SLC30A10: variants seen among roughly 807,000 people sequenced by gnomAD.
The protein encoded by SLC30A10 is solute carrier family 30 member 10, also known as calcium/manganese antiporter SLC30A10.
In SLC30A10, 8 loss-of-function variants were observed where a neutral mutation model predicts 21.7. The observed-to-expected ratio is 0.37, with a 90% CI of 0.22 to 0.67. The LOEUF (loss-of-function observed/expected upper bound fraction) is 0.67. SLC30A10 is among the 30% of genes least tolerant of loss of function. The pLI is 0.58. For missense variants in SLC30A10, 521 were observed against 642.5 expected (o/e 0.81, Z 2.04); for synonymous variants, 272 against 279.4 (o/e 0.97, Z 0.26).
At chr1:219,923,276 A>G (rs1278755012) in intron 2 of SLC30A10, among the ~76,000 whole-genome samples, 1 of 152,214 alleles carries the variant, frequency 6.6e-6, no homozygotes, top group African/African-American at 2.4e-5. Flanking sequence ...CTAAGTTACA[A>G]TGCTCTCAAG....
rs980118479 is a variant in SLC30A10, at chr1:219,913,158, C to T, written c.*2291G>A. Among the ~76,000 whole-genome samples the T allele has an allele frequency of 6.6e-6, 1 of 152,222 alleles. No homozygotes were observed. On this transcript the variant is annotated 3_prime_UTR_variant, in exon 4 of 4. Transcript: ENST00000366926. ...AGTGCCACAGGTGGCAAATGCAAGC[C>T]ACTCAACCCAATACAAAATTATTGC...
intron 1 of SLC30A10, among the ~76,000 whole-genome samples, chr1:219,956,137 G>A (rs1259056465): frequency 6.6e-6 from 1 of 152,110 alleles, no homozygotes; most frequent in Non-Finnish European, 1.5e-5. Context: ...AAAGGAATTT[G>A]GCAAGTTTAA....
At chr1:219,916,838 TA>T (rs558364203) in intron 3 of SLC30A10, among the ~76,000 whole-genome samples, 523 of 152,356 alleles carry the variant, frequency 3.4e-3, no homozygotes, top group Non-Finnish European at 4.6e-3. Context: ...ATAGAAATGA[TA>T]ATAGTACCTT....
chr1:219,916,191 C>A (rs1659540091), intron 3 of SLC30A10, among the ~76,000 whole-genome samples: 1 of 152,100 alleles, frequency 6.6e-6, no homozygotes, highest in South Asian at 2.1e-4. Flanking sequence ...GAAAAAAGTC[C>A]CCAGGGTTGC....
At chr1:219,944,049 G>A (rs1178901543) in intron 1 of SLC30A10, among the ~76,000 whole-genome samples, 6 of 150,924 alleles carry the variant, frequency 4.0e-5, no homozygotes, top group Non-Finnish European at 5.9e-5. Flanking sequence ...GCAGTGAGCC[G>A]AGATCATGCC....
rs59792236 is a variant in SLC30A10, at chr1:219,912,170, C to CAAAAAAAAAAAA, written c.*3267_*3278dup. Among the ~76,000 whole-genome samples the CAAAAAAAAAAAA allele has an allele frequency of 4.0e-5, 3 of 74,698 alleles. No homozygotes were observed. The highest frequency in any genetic ancestry group is 7.5e-5 in the Non-Finnish European group (3 of 39,910). 49.0% of individuals were successfully genotyped at this position (74,698 alleles called of 152,430 possible). On this transcript the variant is annotated 3_prime_UTR_variant, in exon 4 of 4. Transcript: ENST00000366926. Reference sequence around the variant, plus strand: ...CCACTGGAATTTGCTCTACCAATGGCAAAAAAAAAAAAAAAAAAAAAAAAA... The same window carrying CAAAAAAAAAAAA: ...CCACTGGAATTTGCTCTACCAATGGCAAAAAAAAAAAAAAAAAAAAAAAAAAAAAAAAAAAAA...
intron 2 of SLC30A10, among the ~76,000 whole-genome samples, chr1:219,919,767 ACT>A (rs1302825994): frequency 7.2e-6 from 1 of 138,514 alleles, no homozygotes; most frequent in African/African-American, 2.8e-5. Context: ...CAAGAGTGAA[ACT>A]CTGTCTCAAA....
intron 1 of SLC30A10, among the ~76,000 whole-genome samples, chr1:219,937,954 CGGA>C (rs1442564145): frequency 6.6e-6 from 1 of 152,028 alleles, no homozygotes; most frequent in African/African-American, 2.4e-5. Context: ...CCCTAGCCAC[CGGA>C]GTTCTGACAG....
intron 1 of SLC30A10, among the ~76,000 whole-genome samples, chr1:219,950,063 C>G (rs1660247349): frequency 1.3e-5 from 2 of 152,154 alleles, no homozygotes; most frequent in Admixed American, 6.5e-5. Flanking sequence ...AAGAGGCAAA[C>G]TATCTGTTGA....
At chr1:219,943,825 C>T (rs556624779) in intron 1 of SLC30A10, among the ~76,000 whole-genome samples, 4 of 152,192 alleles carry the variant, frequency 2.6e-5, no homozygotes, top group East Asian at 1.9e-4. Context: ...GGAGGCCAGG[C>T]GCGGTGGCTC....
intron 1 of SLC30A10, among the ~76,000 whole-genome samples, chr1:219,951,702 C>T (rs1460965523): frequency 1.3e-5 from 2 of 148,948 alleles, no homozygotes; most frequent in Non-Finnish European, 3.0e-5. Context: ...GCCTGGACGA[C>T]AGAGTGAGAC....
intron 2 of SLC30A10, among the ~76,000 whole-genome samples, chr1:219,921,380 T>C (rs1377030459): frequency 6.6e-6 from 1 of 152,182 alleles, no homozygotes; most frequent in African/African-American, 2.4e-5. Context: ...AACTAAAAAG[T>C]GTTAACTGGG....
chr1:219,924,988 G>A lies in SLC30A10; in HGVS notation c.718+2040C>T, dbSNP rs552944805. The stretch of plus-strand genomic sequence containing the variant: ...GCCAAATCCCAACCTTTCAGCCACC[G>A]CACTATTCACCTCTATCAGAAGCTA... On this transcript the variant is annotated intron_variant, in intron 2 of 3. Coordinates refer to ENST00000366926, the MANE Select transcript of SLC30A10 (RefSeq NM_018713.3). Among the ~76,000 whole-genome samples, 5 of 152,214 alleles carry A rather than the reference G, an allele frequency of 3.3e-5. No individual in the cohort carries two copies. The East Asian group carries it at 5.8e-4, about 18-fold the overall frequency.
At chr1:219,931,301 G>A (rs1659966520), upstream of SLC30A10, among the ~76,000 whole-genome samples, 1 of 152,216 alleles carries the variant, frequency 6.6e-6, no homozygotes, top group Non-Finnish European at 1.5e-5. Context: ...AGTGGCTGAG[G>A]AAGCTGGAGG....
rs376912502 is a variant in SLC30A10 at position 219,927,871 on chromosome 1, G to C, written c.570C>G (p.Ala190=). The change falls in exon 1 of 4, where the codon GCC becomes GCG. Residue 190 remains alanine, a synonymous_variant. Coordinates refer to ENST00000366926, the MANE Select transcript of SLC30A10 (RefSeq NM_018713.3). The part of the protein sequence containing the change: ...ADPTAPGSDS[A]VTLRGTSVER... ...CCACCGAGGTCCCCCGGAGGGTTAC[G>C]GCCGAGTCCGAGCCTGGGGCTGTCG... The C allele has an allele frequency of 6.5e-7, 1 of 1,544,382 alleles. No individual in the cohort carries two copies. The highest frequency in any genetic ancestry group is 2.0e-5 in the Admixed American group (1 of 50,648).
chr1:219,933,050 A>G (rs1171270636), upstream of SLC30A10, among the ~76,000 whole-genome samples: 1 of 146,788 alleles, frequency 6.8e-6, no homozygotes, highest in Admixed American at 6.9e-5. Context: ...AACAAGAGCA[A>G]AACTCCGTCT....
chr1:219,953,951 C>T (rs1044498423), intron 1 of SLC30A10, among the ~76,000 whole-genome samples: 2 of 151,512 alleles, frequency 1.3e-5, no homozygotes, highest in Non-Finnish European at 2.9e-5. Context: ...CATGATCTGC[C>T]CGCCTCAGCC....
At chr1:219,944,874 A>G (rs1239654535) in intron 1 of SLC30A10, among the ~76,000 whole-genome samples, 1 of 152,232 alleles carries the variant, frequency 6.6e-6, no homozygotes, top group East Asian at 1.9e-4. Flanking sequence ...CTCAAGCCCC[A>G]ACCTTCAATA....
At chr1:219,946,233 A>G (rs749899756) in intron 1 of SLC30A10, among the ~76,000 whole-genome samples, 3 of 152,224 alleles carry the variant, frequency 2.0e-5, no homozygotes, top group Non-Finnish European at 4.4e-5. Context: ...ATAATTGCCA[A>G]TGAGCAATAT....
Sources: gnomAD v4.1 joint callset for allele counts (sites outside exome capture counted in the v4.1 genomes callset) on GRCh38, gnomAD v4.1.1 for gene constraint, MANE v1.5 for transcripts, NCBI Gene and HGNC (gene_info 2026-07-23, HGNC 2026-07-21) for gene names.